The following KMT2C variants were observed in gnomAD, a reference collection of about 807,000 sequenced individuals.
The protein encoded by KMT2C is lysine methyltransferase 2C.
Under a neutral mutation model 507.9 loss-of-function variants are expected in KMT2C, and 88 were observed. The ratio of observed to expected loss-of-function variants is 0.17; its 90% CI spans 0.15 to 0.21. The LOEUF (loss-of-function observed/expected upper bound fraction) is 0.21, where lower values mean the gene tolerates loss of function less well. Among genes scored for constraint, KMT2C ranks in the 10% least tolerant of loss-of-function variants. The pLI is 1.00. For synonymous variants in KMT2C, 2,049 were observed against 2,080.8 expected, an observed-to-expected ratio of 0.98 and a Z score of 0.42; for missense variants, 4,954 against 5,957.8, an observed-to-expected ratio of 0.83 and a Z score of 5.55.
At chr7:152,147,245 G>T (rs1432516701) in intron 52 of KMT2C, among the ~76,000 whole-genome samples, 1 of 151,820 alleles carries the variant, frequency 6.6e-6, no homozygotes, top group Non-Finnish European at 1.5e-5. Flanking sequence ...TGACAATCTA[G>T]ACTTAACCAT....
chr7:152,155,654 G>A (rs1411266314), intron 46 of KMT2C, among the ~76,000 whole-genome samples: 1 of 151,930 alleles, frequency 6.6e-6, no homozygotes, highest in Non-Finnish European at 1.5e-5. Flanking sequence ...TATTTAATTA[G>A]ATTAAATAAT....
At chr7:152,178,901 G>C (rs1240116944) in intron 37 of KMT2C, among the ~76,000 whole-genome samples, 1 of 152,168 alleles carries the variant, frequency 6.6e-6, no homozygotes, top group Non-Finnish European at 1.5e-5. Context: ...ACATTCTTAT[G>C]ATTCATCACC....
rs1344051271 is a variant in KMT2C, at chr7:152,152,664, C to G, written c.12526+41G>C. 3 of 1,604,128 alleles carry G rather than the reference C, an allele frequency of 1.9e-6. No individual in the cohort carries two copies. The South Asian group carries it at 3.3e-5, about 18-fold the overall frequency. On this transcript the variant is annotated intron_variant, in intron 49 of 58. Transcript: ENST00000262189. ...CAAAGAGTAAGCTTAACTTTTGAATCAGGAATGGATTTGGGGTTAACAAAA... is the reference window on the plus strand; with the variant it reads ...CAAAGAGTAAGCTTAACTTTTGAATGAGGAATGGATTTGGGGTTAACAAAA...
rs535716377 is a variant in KMT2C, at chr7:152,166,403, T to G, written c.9750+743A>C. 2.0e-5 allele frequency among the ~76,000 whole-genome samples: 3 copies of G among 152,314 alleles called. No individual in the cohort carries two copies. The South Asian group carries it at 6.2e-4, about 32-fold the overall frequency. ...TCCCAAAGTGCTGGAATTACAGGTATGAACCACCACGCCTGGCCTGAACCT... is the reference window on the plus strand; with the variant it reads ...TCCCAAAGTGCTGGAATTACAGGTAGGAACCACCACGCCTGGCCTGAACCT... On this transcript the variant is annotated intron_variant, in intron 42 of 58. Transcript: ENST00000262189.
chr7:152,255,108 CTTATATATATATAT>C (rs1161519020), intron 9 of KMT2C, among the ~76,000 whole-genome samples: 9 of 60,674 alleles, frequency 1.5e-4, no homozygotes, highest in East Asian at 5.4e-4. Flanking sequence ...TCAACTCTCA[CTTATATATATATAT>C]ATATATATAT....
intron 1 of KMT2C, chr7:152,367,077 T>C (rs1475309656): frequency 1.4e-6 from 1 of 738,344 alleles, no homozygotes; most frequent in Admixed American, 2.3e-5. Flanking sequence ...GTCAGAACTC[T>C]GTGCTGCATT....
intron 16 of KMT2C, among the ~76,000 whole-genome samples, chr7:152,233,492 T>C (rs995711844): frequency 1.3e-5 from 2 of 150,400 alleles, no homozygotes; most frequent in East Asian, 2.0e-4. Flanking sequence ...AGTGAGAAGA[T>C]AGGAAAAAAT....
chr7:152,252,403 C>A (rs892638407), intron 10 of KMT2C, 143 bp downstream of exon 10: 50 of 678,316 alleles, frequency 7.4e-5, no homozygotes, highest in Non-Finnish European at 9.3e-5. Flanking sequence ...TCAAAAACAT[C>A]ATTTAATTCC....
rs1248059218 is a variant in KMT2C at position 152,297,045 on chromosome 7, GAAAGAAAGAC to G, written c.849+12911_849+12920del. 3.5e-4 allele frequency among the ~76,000 whole-genome samples: 32 copies of G among 91,396 alleles called. 1 individual carries two copies. The highest frequency in any genetic ancestry group is 7.7e-4 in the African/African-American group (15 of 19,386). The allele number at this position is 91,396 out of a possible 152,430, so 60.0% of individuals were successfully genotyped here. ...AGAAAGAAAGAAAGAAAGAAAGAAA[GAAAGAAAGAC>G]AGAGAGAGAGAGAGAGAGAGAGAGA... On this transcript the variant is annotated intron_variant, in intron 6 of 58. Coordinates refer to ENST00000262189, the MANE Select transcript of KMT2C (RefSeq NM_170606.3).
chr7:152,235,162 GA>G (rs1364029656), intron 16 of KMT2C, among the ~76,000 whole-genome samples: 1 of 150,964 alleles, frequency 6.6e-6, no homozygotes, highest in African/African-American at 2.5e-5. Flanking sequence ...AGCTTTGGGA[GA>G]TGAATATATT....
At chr7:152,167,449 T>C in intron 41 of KMT2C, 71 bp from the exon 42 acceptor site, 1 of 1,046,452 alleles carries the variant, frequency 9.6e-7, no homozygotes, top group Non-Finnish European at 1.4e-6. Context: ...CACAAATCTA[T>C]TTTGTAAGGA....
intron 6 of KMT2C, among the ~76,000 whole-genome samples, chr7:152,301,606 G>A (rs1480077503): frequency 6.6e-6 from 1 of 152,186 alleles, no homozygotes. Flanking sequence ...AGGACTGCTT[G>A]AGCCTAAGAA....
Position 152,146,176 on chromosome 7 carries a change from AC to A in KMT2C, c.14031+422del, listed in dbSNP as rs776270717. Among the ~76,000 whole-genome samples the A allele has an allele frequency of 6.8e-4, 103 of 152,336 alleles. 1 individual carries two copies. Among genetic ancestry groups the A allele is most frequent in the Non-Finnish European group, 1.2e-3 (85 of 68,034 alleles). The stretch of plus-strand genomic sequence containing the variant: ...ACAGAAATCAGTGCTGCTGCGATCT[AC>A]TGCCCTCTAGTGACTTCATCCTAGG... On this transcript the variant is annotated intron_variant, in intron 53 of 58. Transcript: ENST00000262189.
At chr7:152,409,658 G>A (rs1473017397) in intron 1 of KMT2C, among the ~76,000 whole-genome samples, 5 of 152,150 alleles carry the variant, frequency 3.3e-5, no homozygotes, top group Non-Finnish European at 7.4e-5. Flanking sequence ...TTGAACCCAG[G>A]AGGCGGAGCT....
At position 152,151,138 on chromosome 7, in the gene KMT2C, A is replaced by G. The variant is rs573241322; in HGVS notation, c.12667-131T>C. 4.6e-6 allele frequency: 3 copies of G among 648,178 alleles called. No homozygotes were observed. In the South Asian group the frequency reaches 6.2e-5, roughly 13 times the overall value. 40.2% of individuals were successfully genotyped at this position (648,178 alleles called of 1,614,324 possible). A position where few individuals can be genotyped will look rare whatever the true frequency, so the allele number is the denominator to read the frequency against. Reference sequence around the variant, plus strand: ...TTATCTTAATAGTAGAAAGGAAACTATGTTCCAATATTTAGCATGTGATAA... The same window carrying G: ...TTATCTTAATAGTAGAAAGGAAACTGTGTTCCAATATTTAGCATGTGATAA... On this transcript the variant is annotated intron_variant, in intron 50 of 58. Coordinates refer to ENST00000262189, the MANE Select transcript of KMT2C (RefSeq NM_170606.3).
intron 58 of KMT2C, 40 bp from the exon 59 acceptor site, chr7:152,136,964 G>A: frequency 2.7e-6 from 4 of 1,484,532 alleles, no homozygotes; most frequent in Non-Finnish European, 2.8e-6. Flanking sequence ...AGGACAGCAA[G>A]GAAGGCAATA....
chr7:152,161,220 A>G (rs888827355), intron 43 of KMT2C, among the ~76,000 whole-genome samples: 39 of 152,358 alleles, frequency 2.6e-4, no homozygotes, highest in Non-Finnish European at 8.8e-5. Context: ...TCAACACTCA[A>G]TCTCTACTGA....
chr7:152,325,546 G>A (rs537751539), intron 3 of KMT2C, among the ~76,000 whole-genome samples: 32 of 151,070 alleles, frequency 2.1e-4, no homozygotes, highest in Middle Eastern at 6.8e-3. Flanking sequence ...CTACAGCCTC[G>A]ACCTCCTGGG....
At chr7:152,292,828 A>G (rs1452865042) in intron 6 of KMT2C, among the ~76,000 whole-genome samples, 1 of 152,164 alleles carries the variant, frequency 6.6e-6, no homozygotes, top group African/African-American at 2.4e-5. Context: ...TTTTGAACTG[A>G]GTAATTAACT....
Sources: allele counts gnomAD v4.1 joint callset (sites outside exome capture counted in the v4.1 genomes callset), GRCh38; gene constraint gnomAD v4.1.1; transcripts MANE v1.5; gene names NCBI Gene and HGNC (gene_info 2026-07-23, HGNC 2026-07-21).